PTPRA: variants seen among roughly 807,000 people sequenced by gnomAD.
PTPRA encodes protein tyrosine phosphatase receptor type A.
A neutral mutation model predicts 104.8 loss-of-function variants in PTPRA; 25 were observed. The ratio of observed to expected loss-of-function variants is 0.24; its 90% CI spans 0.17 to 0.33. PTPRA has a LOEUF of 0.33. PTPRA is among the 10% of genes least tolerant of loss of function. The pLI, the probability that PTPRA is intolerant of heterozygous loss-of-function variation, is 1.00. For missense variants in PTPRA, 765 were observed against 1,015.3 expected, an observed-to-expected ratio of 0.75 and a Z score of 3.35; for synonymous variants, 323 against 368.9, an observed-to-expected ratio of 0.88 and a Z score of 1.43.
chr20:2,992,431 C>T (rs969178655), intron 9 of PTPRA, among the ~76,000 whole-genome samples: 15 of 152,060 alleles, frequency 9.9e-5, no homozygotes, highest in Non-Finnish European at 1.6e-4. Context: ...GCAGGAGAAT[C>T]GCTTGAACCC....
chr20:3,005,311 G>A (rs1224199969), intron 10 of PTPRA, among the ~76,000 whole-genome samples, 165 bp downstream of exon 10: 1 of 152,184 alleles, frequency 6.6e-6, no homozygotes, highest in African/African-American at 2.4e-5. Context: ...AACTTTGGAA[G>A]GCCAAGGTGG....
chr20:2,877,567 G>T (rs1413734696), intron 1 of PTPRA, among the ~76,000 whole-genome samples: 2 of 152,090 alleles, frequency 1.3e-5, no homozygotes, highest in African/African-American at 4.8e-5. Flanking sequence ...TGAAGAAATG[G>T]TTTTTTAGTG....
intron 1 of PTPRA, among the ~76,000 whole-genome samples, chr20:2,909,990 T>TAATC (rs1568649273): frequency 2.3e-5 from 2 of 87,838 alleles, no homozygotes; most frequent in African/African-American, 8.1e-5. Context: ...TCATATATCA[T>TAATC]ATATATAATC....
At chr20:3,011,341 G>A (rs1018258696) in intron 11 of PTPRA, among the ~76,000 whole-genome samples, 1 of 152,230 alleles carries the variant, frequency 6.6e-6, no homozygotes, top group Non-Finnish European at 1.5e-5. Context: ...AGCACCTGCT[G>A]TGTGCCAAGC....
chr20:2,867,124 C>T, the PTPRA span, among the ~76,000 whole-genome samples: 8 of 152,238 alleles, frequency 5.3e-5, no homozygotes, highest in South Asian at 1.7e-3. Context: ...CCAGGGAGTT[C>T]GATAATAACA....
chr20:3,000,096 C>T lies in PTPRA; in HGVS notation c.739-4960C>T, dbSNP rs145612120. Among the ~76,000 whole-genome samples the T allele has an allele frequency of 2.9e-3, 447 of 152,060 alleles. 3 individuals carry two copies. The highest frequency in any genetic ancestry group is 0.01 in the African/African-American group (430 of 41,456). ...GTCAGGAGTTCGAGACCAGCCTGGCCAACACGGTGAGACCCTGTCTCTACA... is the reference window on the plus strand; with the variant it reads ...GTCAGGAGTTCGAGACCAGCCTGGCTAACACGGTGAGACCCTGTCTCTACA... On this transcript the variant is annotated intron_variant, in intron 9 of 23. Coordinates refer to ENST00000399903, the MANE Select transcript of PTPRA (RefSeq NM_001385305.1).
chr20:2,889,736 T>C (rs765733105), intron 1 of PTPRA, among the ~76,000 whole-genome samples: 5 of 152,194 alleles, frequency 3.3e-5, no homozygotes, highest in Non-Finnish European at 7.3e-5. Context: ...ACAGTTATTA[T>C]TGGTCAGAGA....
intron 13 of PTPRA, 66 bp from the exon 14 acceptor site, chr20:3,021,243 A>G (rs2064852395): frequency 6.2e-7 from 1 of 1,604,182 alleles, no homozygotes; most frequent in Non-Finnish European, 8.5e-7. Flanking sequence ...TCTTCCTTCC[A>G]GGCCCTTTGC....
At chr20:2,948,875 C>G (rs1380316569) in intron 3 of PTPRA, among the ~76,000 whole-genome samples, 1 of 152,032 alleles carries the variant, frequency 6.6e-6, no homozygotes, top group Admixed American at 6.6e-5. Flanking sequence ...TGGCGTGAAC[C>G]CGGGAGGCGG....
At chr20:2,917,972 C>T (rs1163192156) in intron 1 of PTPRA, among the ~76,000 whole-genome samples, 1 of 151,726 alleles carries the variant, frequency 6.6e-6, no homozygotes, top group Non-Finnish European at 1.5e-5. Flanking sequence ...GCCTGTAATC[C>T]CAGCTACTCT....
rs1367290357 is a variant in PTPRA, at chr20:2,965,109, C to T, written c.322C>T (p.Leu108Phe). 1 of 1,614,032 alleles carries T rather than the reference C, an allele frequency of 6.2e-7. No homozygotes were observed. Among genetic ancestry groups the T allele is most frequent in the Non-Finnish European group, 8.5e-7 (1 of 1,180,018 alleles). The change falls in exon 5 of 24, where the codon CTT becomes TTT. Residue 108 changes from leucine (L) to phenylalanine (F), a missense_variant. Physicochemically the swap from Leu to Phe is conservative, Grantham distance 22. Around this residue, in one of 4 missense-constraint regions of PTPRA, gnomAD observed 256 missense variants for 248.9 expected, o/e 1.03. Coordinates refer to ENST00000399903, the MANE Select transcript of PTPRA (RefSeq NM_001385305.1). ...GITISPNGTW[L>F]PDNQFTDART... The stretch of plus-strand genomic sequence containing the variant: ...TACAATTTCACCAAATGGAACGTGG[C>T]TTCCAGATAACCAGTTCACGGATGC...
intron 1 of PTPRA, among the ~76,000 whole-genome samples, chr20:2,891,229 C>T (rs973485292): frequency 1.3e-5 from 2 of 152,142 alleles, no homozygotes; most frequent in African/African-American, 4.8e-5. Flanking sequence ...CTGCAGGTTC[C>T]CTTGTTGTCT....
chr20:2,935,998 G>A (rs951292232), intron 2 of PTPRA, among the ~76,000 whole-genome samples: 1 of 149,780 alleles, frequency 6.7e-6, no homozygotes, highest in Non-Finnish European at 1.5e-5. Flanking sequence ...CAGCCTGGGC[G>A]ACAAGAGTGA....
intron 2 of PTPRA, among the ~76,000 whole-genome samples, chr20:2,944,465 T>C (rs1230576275): frequency 6.6e-6 from 1 of 152,210 alleles, no homozygotes; most frequent in Non-Finnish European, 1.5e-5. Flanking sequence ...GCCTCTCTCT[T>C]AACGTAAGGA....
Position 3,022,293 on chromosome 20 carries a change from A to G in PTPRA, c.1328+73A>G, listed in dbSNP as rs1279402253. ...ATGGCCAGAGCAGGGGAACAGCACA[A>G]GGGCCCTGGCTGAGGAGGCTGGCAC... is the stretch of plus-strand genomic sequence containing the variant. On this transcript the variant is annotated intron_variant, in intron 15 of 23. Transcript: ENST00000399903. The surrounding 1 kb of genome is among the most constrained non-coding windows in gnomAD (Gnocchi z 4.6). 1.9e-5 allele frequency: 30 copies of G among 1,551,154 alleles called. No individual in the cohort carries two copies. Among genetic ancestry groups the G allele is most frequent in the Non-Finnish European group, 2.6e-5 (29 of 1,136,534 alleles).
At chr20:3,019,192 C>A (rs1324650264) in intron 13 of PTPRA, among the ~76,000 whole-genome samples, 1 of 142,062 alleles carries the variant, frequency 7.0e-6, no homozygotes, top group Non-Finnish European at 1.5e-5. Context: ...GGCGGCCGGC[C>A]GGGCGTGGGG....
chr20:2,913,274 A>T (rs2059787704), intron 1 of PTPRA, among the ~76,000 whole-genome samples: 1 of 152,180 alleles, frequency 6.6e-6, no homozygotes, highest in Non-Finnish European at 1.5e-5. Context: ...GCTACTCAGG[A>T]GGCTGAGGCA....
At chr20:2,968,981 G>C (rs909110426) in intron 5 of PTPRA, among the ~76,000 whole-genome samples, 1 of 152,136 alleles carries the variant, frequency 6.6e-6, no homozygotes, top group African/African-American at 2.4e-5. Context: ...GCCAAGGCAG[G>C]TGGATCACTT....
intron 5 of PTPRA, among the ~76,000 whole-genome samples, chr20:2,970,688 A>T (rs1046499810): frequency 1.3e-5 from 2 of 151,990 alleles, no homozygotes; most frequent in African/African-American, 4.8e-5. Context: ...AGCTATTTTT[A>T]ATTTTTTTAA....
Sources: gnomAD v4.1 joint callset for allele counts (sites outside exome capture counted in the v4.1 genomes callset) on GRCh38, gnomAD v4.1.1 for gene constraint, gnomAD v4.1.1 regional missense constraint, Gnocchi (gnomAD v3.1) non-coding constraint, MANE v1.5 for transcripts, NCBI Gene and HGNC (gene_info 2026-07-23, HGNC 2026-07-21) for gene names.